ECD: variants seen among roughly 807,000 people sequenced by gnomAD.
ECD encodes the protein protein ecdysoneless homolog.
ECD carries 59 observed loss-of-function variants against 77.2 expected under a neutral mutation model. The ratio of observed to expected loss-of-function variants is 0.76; its 90% confidence interval spans 0.62 to 0.95. The LOEUF is 0.95. Ranked by LOEUF, ECD falls within the 40% of genes least tolerant of loss-of-function variation. The pLI is 0.00. For missense variants in ECD, 704 were observed against 763.4 expected, an observed-to-expected ratio of 0.92 and a Z score of 0.92; for synonymous variants, 233 against 267.4, an observed-to-expected ratio of 0.87 and a Z score of 1.26.
chr10:73,142,899 TC>T, intron 9 of ECD, among the ~76,000 whole-genome samples: 1 of 152,130 alleles, frequency 6.6e-6, no homozygotes, highest in Non-Finnish European at 1.5e-5. Flanking sequence ...AAAGAAAACT[TC>T]CTTAGAAAGG....
chr10:73,163,194 G>A (rs1013020821), intron 2 of ECD, among the ~76,000 whole-genome samples: 1 of 152,178 alleles, frequency 6.6e-6, no homozygotes, highest in African/African-American at 2.4e-5. Flanking sequence ...CCAGAGGTCA[G>A]ATCTCAAGCA....
chr10:73,138,019 A>G lies in ECD; in HGVS notation c.1473T>C (p.Tyr491=). ...ITFDADSFLN[Y]FDKILGPRPN... Reference sequence around the variant, plus strand: ...ACTACTTACCTAAAATCTTATCAAAATAATTAAGAAAAGAATCTGCATCAA... The same window carrying G: ...ACTACTTACCTAAAATCTTATCAAAGTAATTAAGAAAAGAATCTGCATCAA... Residue 491 remains tyrosine (Y), a synonymous_variant, in exon 12 of 14, where the codon TAT becomes TAC. Coordinates refer to ENST00000372979, the MANE Select transcript of ECD (RefSeq NM_007265.3). 1.3e-6 allele frequency: 2 copies of G among 1,597,636 alleles called. No homozygotes were observed. The highest frequency in any genetic ancestry group is 1.7e-6 in the Non-Finnish European group (2 of 1,174,734).
chr10:73,157,680 C>T (rs1843314596), intron 3 of ECD, among the ~76,000 whole-genome samples: 1 of 151,400 alleles, frequency 6.6e-6, no homozygotes, highest in Admixed American at 6.6e-5. Flanking sequence ...CGAGATCGCA[C>T]CATTGCATTC....
chr10:73,140,603 A>T (rs1843042083), intron 9 of ECD, among the ~76,000 whole-genome samples: 2 of 151,980 alleles, frequency 1.3e-5, no homozygotes, highest in South Asian at 4.2e-4. Context: ...AATTGCTTGA[A>T]CCCGGGAGGT....
At chr10:73,151,107 CAA>C (rs1233110378) in intron 7 of ECD, among the ~76,000 whole-genome samples, 54 of 152,112 alleles carry the variant, frequency 3.6e-4, no homozygotes, top group African/African-American at 1.3e-3. Context: ...TTCACAATAG[CAA>C]AGACTTGGAA....
intron 13 of ECD, among the ~76,000 whole-genome samples, chr10:73,136,153 T>C (rs1022981454): frequency 1.3e-5 from 2 of 152,206 alleles, no homozygotes; most frequent in East Asian, 3.8e-4. Flanking sequence ...TGTTTAGGAT[T>C]AGACAGTGGT....
chr10:73,144,657 T>C (rs951473016), intron 9 of ECD, among the ~76,000 whole-genome samples: 1 of 152,174 alleles, frequency 6.6e-6, no homozygotes, highest in East Asian at 1.9e-4. Flanking sequence ...TCTTTATTCC[T>C]TTACTTTCTT....
intron 8 of ECD, 25 bp from the exon 9 acceptor site, chr10:73,146,386 A>G: frequency 1.3e-6 from 2 of 1,485,778 alleles, no homozygotes; most frequent in Non-Finnish European, 9.2e-7. Flanking sequence ...AAGGTCTATC[A>G]GAACATTACT....
rs368788486 is a variant in ECD at position 73,156,537 on chromosome 10, C to T, written c.411+31G>A. On this transcript the variant is annotated intron_variant, in intron 4 of 13. Coordinates refer to ENST00000372979, the MANE Select transcript of ECD (RefSeq NM_007265.3). Reference sequence around the variant, plus strand: ...AATGTAATGCAGCATGATTTCATCTCTATAAATTTTCTAAACTTGGGTATA... The same window carrying T: ...AATGTAATGCAGCATGATTTCATCTTTATAAATTTTCTAAACTTGGGTATA... 3.1e-6 allele frequency: 5 copies of T among 1,613,080 alleles called. No individual in the cohort carries two copies. The African/African-American group carries it at 5.3e-5, about 17-fold the overall frequency.
At chr10:73,167,007 G>T (rs977193389) in intron 1 of ECD, among the ~76,000 whole-genome samples, 7 of 152,024 alleles carry the variant, frequency 4.6e-5, no homozygotes. Flanking sequence ...GGAGGTAGTG[G>T]GTCTGGTTTC....
chr10:73,135,067 G>C (rs1458718646), intron 13 of ECD, among the ~76,000 whole-genome samples: 1 of 152,126 alleles, frequency 6.6e-6, no homozygotes, highest in Non-Finnish European at 1.5e-5. Flanking sequence ...TAAATTGCAT[G>C]TCTATTTTGA....
At chr10:73,154,482 A>T in intron 5 of ECD, 34 bp from the exon 6 acceptor site, 1 of 1,560,588 alleles carries the variant, frequency 6.4e-7, no homozygotes, top group Non-Finnish European at 8.6e-7. Flanking sequence ...TTCATTTTAC[A>T]GTATATAAAT....
chr10:73,152,286 A>G lies in ECD; in HGVS notation c.912+7T>C, dbSNP rs1843221275. ...AAAGGAAACAACATTTTCTGGTTCAACATTACCAATTTCATGCCCAATTCA... is the reference window on the plus strand; with the variant it reads ...AAAGGAAACAACATTTTCTGGTTCAGCATTACCAATTTCATGCCCAATTCA... On this transcript the variant is annotated splice_region_variant and intron_variant, in intron 7 of 13. Coordinates refer to ENST00000372979, the MANE Select transcript of ECD (RefSeq NM_007265.3). 1.2e-6 allele frequency: 2 copies of G among 1,611,880 alleles called. No individual in the cohort carries two copies. Among genetic ancestry groups the G allele is most frequent in the Admixed American group, 1.7e-5 (1 of 59,936 alleles).
intron 1 of ECD, among the ~76,000 whole-genome samples, chr10:73,165,561 A>G (rs1843445560): frequency 6.7e-6 from 1 of 150,268 alleles, no homozygotes; most frequent in South Asian, 2.1e-4. Context: ...CATATTGGCC[A>G]GGCTGGTCTC....
At chr10:73,166,391 G>GA (rs1272940717) in intron 1 of ECD, among the ~76,000 whole-genome samples, 1 of 152,092 alleles carries the variant, frequency 6.6e-6, no homozygotes, top group Non-Finnish European at 1.5e-5. Flanking sequence ...GTTTCTTGAG[G>GA]AATCTCCAAA....
At chr10:73,160,692 A>C (rs372613959) in intron 2 of ECD, 141 bp from the exon 3 acceptor site, 37 of 555,774 alleles carry the variant, frequency 6.7e-5, no homozygotes, top group East Asian at 6.6e-4. Flanking sequence ...CCTGAAGAAG[A>C]AGCCTACTCC....
chr10:73,154,160 T>A, intron 6 of ECD, 96 bp downstream of exon 6: 1 of 1,197,532 alleles, frequency 8.4e-7, no homozygotes, highest in Admixed American at 3.0e-5. Context: ...TAATGTTTCA[T>A]TCACTGAGCA....
chr10:73,144,183 TA>T (rs1419075872), intron 9 of ECD, among the ~76,000 whole-genome samples: 1 of 152,240 alleles, frequency 6.6e-6, no homozygotes, highest in Non-Finnish European at 1.5e-5. Context: ...GGCTATCATA[TA>T]AGTACACTGC....
rs201899505 is a variant in ECD, at chr10:73,139,741, T to C, written c.1128-4A>G. On this transcript the variant is annotated splice_polypyrimidine_tract_variant and splice_region_variant and intron_variant, in intron 9 of 13. Coordinates refer to ENST00000372979, the MANE Select transcript of ECD (RefSeq NM_007265.3). ...ACCAGGGCTCATAGCAAGAGAACTA[T>C]GAAAAATAAAAAACATGAGTATTTC... 9.1e-5 allele frequency: 143 copies of C among 1,565,264 alleles called. No individual in the cohort carries two copies. The highest frequency in any genetic ancestry group is 1.3e-4 in the Admixed American group (7 of 53,942).
Sources: gnomAD v4.1 joint callset for allele counts (sites outside exome capture counted in the v4.1 genomes callset) on GRCh38, gnomAD v4.1.1 for gene constraint, MANE v1.5 for transcripts, NCBI Gene and HGNC (gene_info 2026-07-23, HGNC 2026-07-21) for gene names.